The following SOX5 variants were observed in gnomAD, a reference collection of about 807,000 sequenced individuals.
SOX5 encodes transcription factor SOX-5.
In SOX5, 9 loss-of-function variants were observed where a neutral mutation model predicts 92.0. That is an observed-to-expected ratio of 0.10 (90% CI 0.06 to 0.17). The LOEUF (loss-of-function observed/expected upper bound fraction) is 0.17. SOX5 is among the 10% of genes least tolerant of loss of function. SOX5 has a pLI of 1.00. For missense variants in SOX5, 642 were observed against 944.5 expected, an observed-to-expected ratio of 0.68 and a Z score of 4.20; for synonymous variants, 344 against 336.3, an observed-to-expected ratio of 1.02 and a Z score of -0.25.
At chr12:23,642,244 G>A (rs1181938007) in intron 7 of SOX5, among the ~76,000 whole-genome samples, 1 of 151,928 alleles carries the variant, frequency 6.6e-6, no homozygotes, top group Non-Finnish European at 1.5e-5. Context: ...TTATTTTTTA[G>A]GCTTCAAAAT....
At chr12:24,540,892 T>C (rs1230811666) in intron 1 of SOX5, among the ~76,000 whole-genome samples, 2 of 152,226 alleles carry the variant, frequency 1.3e-5, no homozygotes, top group Admixed American at 1.3e-4. Flanking sequence ...GATGGCTATG[T>C]ATGTGTATTC....
chr12:23,867,221 T>C (rs975805119), intron 2 of SOX5, among the ~76,000 whole-genome samples: 1 of 152,158 alleles, frequency 6.6e-6, no homozygotes, highest in Non-Finnish European at 1.5e-5. Context: ...TTTAATCACA[T>C]AGTTCCATTA....
intron 4 of SOX5, among the ~76,000 whole-genome samples, chr12:24,094,833 T>C (rs1314445986): frequency 6.6e-6 from 1 of 152,146 alleles, no homozygotes; most frequent in Non-Finnish European, 1.5e-5. Flanking sequence ...CTCTGGCCCA[T>C]AAGATTAACT....
At chr12:23,761,058 CAT>C (rs991243157) in intron 3 of SOX5, among the ~76,000 whole-genome samples, 7 of 152,166 alleles carry the variant, frequency 4.6e-5, no homozygotes, top group African/African-American at 1.4e-4. Flanking sequence ...TTATTCTTGA[CAT>C]GTGATAGTGT....
intron 1 of SOX5, among the ~76,000 whole-genome samples, chr12:24,443,179 T>C (rs1370817075): frequency 6.6e-6 from 1 of 152,142 alleles, no homozygotes; most frequent in African/African-American, 2.4e-5. Flanking sequence ...CTCAAACTCC[T>C]GAGCTCAGGC....
chr12:24,542,691 A>G (rs961103161), intron 1 of SOX5, among the ~76,000 whole-genome samples: 6 of 152,228 alleles, frequency 3.9e-5, no homozygotes, highest in Admixed American at 1.3e-4. Context: ...TAATTAGGGA[A>G]ATATAAGGGC....
intron 2 of SOX5, among the ~76,000 whole-genome samples, chr12:23,856,751 C>A (rs1386691872): frequency 6.6e-6 from 1 of 152,014 alleles, no homozygotes; most frequent in Admixed American, 6.6e-5. Context: ...GTAATCATAA[C>A]AACTATAATA....
intron 2 of SOX5, among the ~76,000 whole-genome samples, chr12:23,866,245 T>C (rs1166673539): frequency 2.0e-5 from 3 of 152,186 alleles, no homozygotes; most frequent in Non-Finnish European, 4.4e-5. Flanking sequence ...AAGGTAACTA[T>C]GTTAATTTCA....
chr12:24,404,981 G>GCTA (rs1962588403), intron 1 of SOX5, among the ~76,000 whole-genome samples: 2 of 152,080 alleles, frequency 1.3e-5, no homozygotes, highest in African/African-American at 4.8e-5. Context: ...AATATAAAGA[G>GCTA]CTACAGAAAG....
At chr12:24,173,997 GT>G (rs1476572386) in intron 4 of SOX5, among the ~76,000 whole-genome samples, 4 of 146,062 alleles carry the variant, frequency 2.7e-5, no homozygotes, top group Non-Finnish European at 4.5e-5. Context: ...TTTTTTGTTT[GT>G]TTTTTTGTTT....
At chr12:23,603,195 C>A (rs1021619504) in intron 9 of SOX5, among the ~76,000 whole-genome samples, 5 of 151,838 alleles carry the variant, frequency 3.3e-5, no homozygotes, top group African/African-American at 1.2e-4. Flanking sequence ...CTTCTCCTTA[C>A]TGATTTACTC....
At chr12:24,166,342 T>C (rs1953403535) in intron 4 of SOX5, among the ~76,000 whole-genome samples, 1 of 152,176 alleles carries the variant, frequency 6.6e-6, no homozygotes, top group Non-Finnish European at 1.5e-5. Flanking sequence ...AGCCAGCCAA[T>C]GAATATACAG....
At chr12:24,287,186 T>C (rs1175818326) in intron 2 of SOX5, among the ~76,000 whole-genome samples, 3 of 152,084 alleles carry the variant, frequency 2.0e-5, no homozygotes, top group Non-Finnish European at 4.4e-5. Context: ...AGTCATAGCA[T>C]CAGATAGAGA....
intron 4 of SOX5, among the ~76,000 whole-genome samples, chr12:24,029,557 A>G (rs1208433915): frequency 1.3e-5 from 2 of 150,636 alleles, no homozygotes; most frequent in Non-Finnish European, 3.0e-5. Flanking sequence ...TTACAGGCAT[A>G]AACCACTGAG....
chr12:23,911,822 G>A (rs922585450), intron 1 of SOX5, among the ~76,000 whole-genome samples: 4 of 152,120 alleles, frequency 2.6e-5, no homozygotes, highest in African/African-American at 9.7e-5. Flanking sequence ...AGACATATAT[G>A]TAAGAGCTAA....
rs369362019 is a variant in SOX5 at position 23,984,260 on chromosome 12, A to G, written c.-1-88236T>C. Among the ~76,000 whole-genome samples, 80 of 152,298 alleles carry G rather than the reference A, an allele frequency of 5.3e-4. No individual in the cohort carries two copies. In the East Asian group the frequency reaches 7.9e-3, roughly 15 times the overall value. ...AGGGACACAGAAAAGTGAAAACCCA[A>G]TTTCAGCCTGCTGTGCTAAGTGCTA... On this transcript the variant is annotated intron_variant, in intron 4 of 4. Transcript: ENST00000446891.
intron 14 of SOX5, among the ~76,000 whole-genome samples, chr12:23,534,944 A>T (rs1484269128): frequency 6.6e-6 from 1 of 151,858 alleles, no homozygotes; most frequent in Non-Finnish European, 1.5e-5. Flanking sequence ...TCCTGACCTC[A>T]GGTGATCCAC....
At chr12:24,366,519 G>A (rs2136222763) in intron 2 of SOX5, among the ~76,000 whole-genome samples, 1 of 152,200 alleles carries the variant, frequency 6.6e-6, no homozygotes, top group South Asian at 2.1e-4. Flanking sequence ...CTGTATTAGT[G>A]GAAACTGAGA....
At chr12:23,918,979 C>T (rs1201916432) in intron 1 of SOX5, among the ~76,000 whole-genome samples, 1 of 149,820 alleles carries the variant, frequency 6.7e-6, no homozygotes, top group African/African-American at 2.4e-5. Flanking sequence ...TTACCCCAAA[C>T]AGCCAAAATT....
Sources: gnomAD v4.1 joint callset for allele counts (sites outside exome capture counted in the v4.1 genomes callset) on GRCh38, gnomAD v4.1.1 for gene constraint, MANE v1.5 for transcripts, NCBI Gene and HGNC (gene_info 2026-07-23, HGNC 2026-07-21) for gene names.